The following RETREG2 variants were observed in gnomAD, a reference collection of about 807,000 sequenced individuals.
The protein encoded by RETREG2 is reticulophagy regulator 2.
In RETREG2, 21 loss-of-function variants were observed where a neutral mutation model predicts 51.6. That is an observed-to-expected ratio of 0.41 (90% CI 0.29 to 0.59). The LOEUF (loss-of-function observed/expected upper bound fraction) is 0.59, where lower values mean the gene tolerates loss of function less well. Among genes scored for constraint, RETREG2 ranks in the 20% least tolerant of loss-of-function variants. The pLI, the probability that RETREG2 is intolerant of heterozygous loss-of-function variation, is 0.34. For synonymous variants in RETREG2, 339 were observed against 288.6 expected (o/e 1.17, Z -1.77); for missense variants, 674 against 646.0 (o/e 1.04, Z -0.47).
chr2:219,182,995 T>TGTATAAGAGACA lies in RETREG2; in HGVS notation c.*367_*368insTATAAGAGACAG. Reference sequence around the variant, plus strand: ...TTTTCCTCCTATCCTCAGGGACCTGTGCTGCTCTGCCCTCATGTCCCACTT... The same window carrying TGTATAAGAGACA: ...TTTTCCTCCTATCCTCAGGGACCTGTGTATAAGAGACAGCTGCTCTGCCCTCATGTCCCACTT... On this transcript the variant is annotated 3_prime_UTR_variant, in exon 9 of 9. Transcript: ENST00000430297. The TGTATAAGAGACA allele has an allele frequency of 3.8e-6, 1 of 260,152 alleles. No homozygotes were observed. The highest frequency in any genetic ancestry group is 7.5e-6 in the Non-Finnish European group (1 of 133,504). The allele number at this position is 260,152 out of a possible 1,614,324, so 16.1% of individuals were successfully genotyped here.
Position 219,182,627 on chromosome 2 carries a change from T to A in RETREG2, c.1630T>A (p.Ter544ArgextTer4), listed in dbSNP as rs1432429831. The A allele has an allele frequency of 6.2e-7, 1 of 1,612,518 alleles. No homozygotes were observed. Among genetic ancestry groups the A allele is most frequent in the African/African-American group, 1.3e-5 (1 of 74,870 alleles). Residue 544 changes from the stop codon to arginine (R), a stop_lost, in exon 9 of 9, where the codon TGA becomes AGA. Coordinates refer to ENST00000430297, the MANE Select transcript of RETREG2 (RefSeq NM_024293.6). The part of the protein sequence containing the change: ...DQEAQAVAEP[*>R] ...AGAAGCTCAGGCCGTGGCAGAGCCA[T>A]GAGCCAGCCGTTGAGGAAGGAGCTG... is the stretch of plus-strand genomic sequence containing the variant.
Position 219,182,479 on chromosome 2 carries a change from G to A in RETREG2, c.1482G>A (p.Leu494=), listed in dbSNP as rs189268705. The A allele has an allele frequency of 3.1e-6, 5 of 1,613,914 alleles. No homozygotes were observed. Among genetic ancestry groups the A allele is most frequent in the African/African-American group, 1.3e-5 (1 of 74,956 alleles). ...CACTCACCACTGAGGACTTTGAGTT[G>A]CTGGATCAGGGGGAGCTGGAGCAGC... ...EEALTTEDFE[L]LDQGELEQLN... The change falls in exon 9 of 9, where the codon TTG becomes TTA. Residue 494 remains leucine, a synonymous_variant. Coordinates refer to ENST00000430297, the MANE Select transcript of RETREG2 (RefSeq NM_024293.6).
At position 219,184,669 on chromosome 2, in the gene RETREG2, C is replaced by T. The variant is rs1950325271; in HGVS notation, c.*2040C>T. 6.6e-6 allele frequency: 1 copy of T among 152,128 alleles called. No homozygotes were observed. The highest frequency in any genetic ancestry group is 1.5e-5 in the Non-Finnish European group (1 of 68,030). 9.4% of individuals were successfully genotyped at this position (152,128 alleles called of 1,614,324 possible). A position where few individuals can be genotyped will look rare whatever the true frequency, so the allele number is the denominator to read the frequency against. On this transcript the variant is annotated 3_prime_UTR_variant, in exon 9 of 9. Coordinates refer to ENST00000430297, the MANE Select transcript of RETREG2 (RefSeq NM_024293.6). ...AATAGAATTAATCAGGCAATGACTG[C>T]AACATGTCCTATCTTTAATCTATTT...
rs909956934 is a variant in RETREG2 at position 219,181,139 on chromosome 2, C to T, written c.718C>T (p.Leu240Phe). ...QRMYTRLEPLLMQLDYSMKAE... is the reference protein window; with the variant it reads ...QRMYTRLEPLFMQLDYSMKAE... ...GATGTACACTCGCCTGGAGCCCCTG[C>T]TCATGCAGCTGGACTACAGCATGAA... Residue 240 changes from leucine to phenylalanine, a missense_variant, in exon 6 of 9, where the codon CTC (leucine) becomes TTC (phenylalanine). By Grantham distance (22) the Leu-to-Phe change is conservative. Transcript: ENST00000430297. 7 of 1,614,010 alleles carry T rather than the reference C, an allele frequency of 4.3e-6. No individual in the cohort carries two copies. Among genetic ancestry groups the T allele is most frequent in the Admixed American group, 1.7e-5 (1 of 60,002 alleles).
At chr2:219,179,658 C>A in intron 2 of RETREG2, 75 bp from the exon 3 acceptor site, 1 of 1,427,456 alleles carries the variant, frequency 7.0e-7, no homozygotes, top group Non-Finnish European at 9.9e-7. Context: ...AGAGGAGGGA[C>A]AACTATTTCT....
rs201225569 is a variant in RETREG2 at position 219,179,724 on chromosome 2, T to C, written c.389-9T>C. 4.5e-4 allele frequency: 727 copies of C among 1,613,958 alleles called. No individual in the cohort carries two copies. Among genetic ancestry groups the C allele is most frequent in the Admixed American group, 7.0e-4 (42 of 60,010 alleles). On this transcript the variant is annotated splice_polypyrimidine_tract_variant and intron_variant, in intron 2 of 8. Transcript: ENST00000430297. ...CACTCAATAATTTGCCCCCCTCCTC[T>C]CTCTCTAGCATCATCCCCAGAGGAG... is the stretch of plus-strand genomic sequence containing the variant.
Position 219,184,825 on chromosome 2 carries a change from G to GT in RETREG2, c.*2215dup, listed in dbSNP as rs71040423. The GT allele has an allele frequency of 0.14, 14,193 of 99,806 alleles. 1,279 individuals are homozygous for GT. The highest frequency in any genetic ancestry group is 0.19 in the Admixed American group (1,595 of 8,278). The allele number at this position is 99,806 out of a possible 1,614,324, so 6.2% of individuals were successfully genotyped here. A position where few individuals can be genotyped will look rare whatever the true frequency, so the allele number is the denominator to read the frequency against. ...TGTTTTGGTTTTTTGTTTTTTGTGGGTTTTTTTTTTTTTTTTTTTGAGACG... is the reference window on the plus strand; with the variant it reads ...TGTTTTGGTTTTTTGTTTTTTGTGGGTTTTTTTTTTTTTTTTTTTTGAGACG... On this transcript the variant is annotated 3_prime_UTR_variant, in exon 9 of 9. Transcript: ENST00000430297.
At position 219,182,229 on chromosome 2, in the gene RETREG2, A is replaced by G. The variant is rs748215505; in HGVS notation, c.1232A>G (p.His411Arg). ...TCCCCCCTCCACTTTGTGAACACGCACTTCAATGGGGCAGGGTCCCCCCCA... is the reference window on the plus strand; with the variant it reads ...TCCCCCCTCCACTTTGTGAACACGCGCTTCAATGGGGCAGGGTCCCCCCCA... ...LSSPLHFVNT[H>R]FNGAGSPPDG... Residue 411 changes from histidine to arginine, a missense_variant, in exon 9 of 9, where the codon CAC (histidine) becomes CGC (arginine). Physicochemically the swap from His to Arg is conservative, Grantham distance 29 (BLOSUM62 0). Coordinates refer to ENST00000430297, the MANE Select transcript of RETREG2 (RefSeq NM_024293.6). 3.1e-6 allele frequency: 5 copies of G among 1,613,904 alleles called. No homozygotes were observed. Among genetic ancestry groups the G allele is most frequent in the Non-Finnish European group, 4.2e-6 (5 of 1,179,966 alleles).
In RETREG2 at chr2:219,178,326, G is replaced by T; in HGVS notation, c.-27G>T. On this transcript the variant is annotated 5_prime_UTR_variant, in exon 1 of 9. Transcript: ENST00000430297. ...GGCCGCGCAGCCCTGGCTCCTCGCG[G>T]GCTCGGGCGGCGGCTGCGGCGGGGC... The T allele has an allele frequency of 2.5e-6, 1 of 399,448 alleles. No homozygotes were observed. The highest frequency in any genetic ancestry group is 2.1e-5 in the African/African-American group (1 of 48,304). 24.7% of individuals were successfully genotyped at this position (399,448 alleles called of 1,614,324 possible).
intron 6 of RETREG2, 33 bp from the exon 7 acceptor site, chr2:219,181,336 T>C (rs751593509): frequency 2.5e-5 from 41 of 1,610,774 alleles, no homozygotes; most frequent in Non-Finnish European, 3.1e-5. Context: ...TCATTCATGC[T>C]TGGTCATTGC....
In RETREG2 at chr2:219,184,519, ATCAT is replaced by A. The variant is rs1456193312; in HGVS notation, c.*1893_*1896del. 6.6e-6 allele frequency: 1 copy of A among 152,128 alleles called. No individual in the cohort carries two copies. Among genetic ancestry groups the A allele is most frequent in the African/African-American group, 2.4e-5 (1 of 41,416 alleles). 9.4% of individuals were successfully genotyped at this position (152,128 alleles called of 1,614,324 possible). A position where few individuals can be genotyped will look rare whatever the true frequency, so the allele number is the denominator to read the frequency against. On this transcript the variant is annotated 3_prime_UTR_variant, in exon 9 of 9. Coordinates refer to ENST00000430297, the MANE Select transcript of RETREG2 (RefSeq NM_024293.6). ...CTGTTTGCTTCACATTTGACTGAGA[ATCAT>A]TCTAGGGTTTGATTGAGCCCCTGTC...
rs549889015 is a variant in RETREG2 at position 219,185,166 on chromosome 2, GT to G, written c.*2539del. 19 of 152,110 alleles carry G rather than the reference GT, an allele frequency of 1.2e-4. No individual in the cohort carries two copies. In the South Asian group the frequency reaches 3.9e-3, roughly 32 times the overall value. The allele number at this position is 152,110 out of a possible 1,614,324, so 9.4% of individuals were successfully genotyped here. On this transcript the variant is annotated 3_prime_UTR_variant, in exon 9 of 9. Transcript: ENST00000430297. ...TCTTTACATTCACCATGGTCTGATG[GT>G]TGCTACATGTTTGTCTATGATTTTT...
chr2:219,184,825 G>GTTTTTTTTTTTTTTTTTTTTT lies in RETREG2; in HGVS notation c.*2215_*2216insTTTTTTTTTTTTTTTTTTTTT, dbSNP rs71040423. On this transcript the variant is annotated 3_prime_UTR_variant, in exon 9 of 9. Coordinates refer to ENST00000430297, the MANE Select transcript of RETREG2 (RefSeq NM_024293.6). ...TGTTTTGGTTTTTTGTTTTTTGTGG[G>GTTTTTTTTTTTTTTTTTTTTT]TTTTTTTTTTTTTTTTTTTGAGACG... 2 of 99,406 alleles carry GTTTTTTTTTTTTTTTTTTTTT rather than the reference G, an allele frequency of 2.0e-5. No homozygotes were observed. Among genetic ancestry groups the GTTTTTTTTTTTTTTTTTTTTT allele is most frequent in the African/African-American group, 3.9e-5 (1 of 25,798 alleles). 6.2% of individuals were successfully genotyped at this position (99,406 alleles called of 1,614,324 possible).
Position 219,181,424 on chromosome 2 carries a change from G to A in RETREG2, c.840G>A (p.Glu280=). Reference sequence around the variant, plus strand: ...GTGATGAGCCACTGGCAGAGACAGAGAGTGAAAGCGAGGCAGAGCTGGCTG... The same window carrying A: ...GTGATGAGCCACTGGCAGAGACAGAAAGTGAAAGCGAGGCAGAGCTGGCTG... ...PGGDEPLAET[E]SESEAELAGF... The change falls in exon 7 of 9, where the codon GAG becomes GAA. Residue 280 remains glutamate (E), a synonymous_variant. Transcript: ENST00000430297. 1 of 1,614,170 alleles carries A rather than the reference G, an allele frequency of 6.2e-7. No individual in the cohort carries two copies. Among genetic ancestry groups the A allele is most frequent in the Non-Finnish European group, 8.5e-7 (1 of 1,180,026 alleles).
Position 219,178,551 on chromosome 2 carries a change from C to T in RETREG2, c.199C>T (p.Leu67=). Residue 67 remains leucine, a synonymous_variant, in exon 1 of 9, where the codon CTG becomes TTG. Coordinates refer to ENST00000430297, the MANE Select transcript of RETREG2 (RefSeq NM_024293.6). ...WLRLRGWEAV[L]AAAQRLLVWE... ...GCGGCTCCGCGGCTGGGAGGCGGTG[C>T]TGGCGGCGGCGCAGCGGTTGCTGGT... 2.1e-6 allele frequency: 3 copies of T among 1,446,742 alleles called. No homozygotes were observed. The highest frequency in any genetic ancestry group is 2.7e-6 in the Non-Finnish European group (3 of 1,108,046). The allele number at this position is 1,446,742 out of a possible 1,614,324, so 89.6% of individuals were successfully genotyped here. A position where few individuals can be genotyped will look rare whatever the true frequency, so the allele number is the denominator to read the frequency against.
At chr2:219,179,710 T>A in intron 2 of RETREG2, 23 bp from the exon 3 acceptor site, 1 of 1,613,270 alleles carries the variant, frequency 6.2e-7, no homozygotes, top group Non-Finnish European at 8.5e-7. Context: ...ACTCAATAAT[T>A]TGCCCCCCTC....
chr2:219,180,907 C>T (rs949994142), intron 5 of RETREG2, among the ~76,000 whole-genome samples, 153 bp downstream of exon 5: 1 of 152,098 alleles, frequency 6.6e-6, no homozygotes, highest in Non-Finnish European at 1.5e-5. Flanking sequence ...GAAGACTTAC[C>T]TGGGGAGGAG....
At position 219,178,286 on chromosome 2, in the gene RETREG2, C is replaced by T. The variant is rs1574779472; in HGVS notation, c.-67C>T. 3 of 363,022 alleles carry T rather than the reference C, an allele frequency of 8.3e-6. No individual in the cohort carries two copies. Among genetic ancestry groups the T allele is most frequent in the Admixed American group, 4.7e-5 (1 of 21,422 alleles). 22.5% of individuals were successfully genotyped at this position (363,022 alleles called of 1,614,324 possible). On this transcript the variant is annotated 5_prime_UTR_variant, in exon 1 of 9. The change creates a new upstream start codon in the 5' untranslated region. Transcript: ENST00000430297. ...CTCCGCGGCGCCCCCTTCCGCCTGACGCGCCCCCGGCGGCGGCCGCGCAGC... is the reference window on the plus strand; with the variant it reads ...CTCCGCGGCGCCCCCTTCCGCCTGATGCGCCCCCGGCGGCGGCCGCGCAGC...
chr2:219,181,752 C>T lies in RETREG2; in HGVS notation c.992C>T (p.Pro331Leu), dbSNP rs1287273199. The T allele has an allele frequency of 2.5e-6, 4 of 1,613,896 alleles. No homozygotes were observed. Among genetic ancestry groups the T allele is most frequent in the South Asian group, 1.1e-5 (1 of 91,074 alleles). The part of the protein sequence containing the change: ...GGFSVSRATT[P>L]QLTDVSEDLD... ...TTCTCCGTATCCCGGGCCACAACTC[C>T]GCAGCTGACTGATGTCTCCGAGGGT... is the stretch of plus-strand genomic sequence containing the variant. The change falls in exon 8 of 9, where the codon CCG becomes CTG. Residue 331 changes from proline (P) to leucine (L), a missense_variant. Pro to Leu is a moderately conservative substitution (Grantham distance 98). Coordinates refer to ENST00000430297, the MANE Select transcript of RETREG2 (RefSeq NM_024293.6).
Sources: gnomAD v4.1 joint callset for allele counts (sites outside exome capture counted in the v4.1 genomes callset) on GRCh38, gnomAD v4.1.1 for gene constraint, MANE v1.5 for transcripts, NCBI Gene and HGNC (gene_info 2026-07-23, HGNC 2026-07-21) for gene names.